The following TRIM55 variants were observed in gnomAD, a reference collection of about 807,000 sequenced individuals.
The protein encoded by TRIM55 is tripartite motif-containing protein 55.
Under a neutral mutation model 60.9 loss-of-function variants are expected in TRIM55, and 50 were observed. The ratio of observed to expected loss-of-function variants is 0.82; its 90% CI spans 0.65 to 1.04. The LOEUF is 1.04. Among genes scored for constraint, TRIM55 ranks in the 50% least tolerant of loss-of-function variants. The probability of loss-of-function intolerance (pLI) is 0.00; values close to 1 mark genes in which losing one functional copy is unlikely to be tolerated. For synonymous variants in TRIM55, 237 were observed against 238.1 expected, an observed-to-expected ratio of 1.00 and a Z score of 0.04; for missense variants, 681 against 666.9, an observed-to-expected ratio of 1.02 and a Z score of -0.23.
At chr8:66,118,101 G>A in the TRIM55 span, among the ~76,000 whole-genome samples, 3 of 145,454 alleles carry the variant, frequency 2.1e-5, no homozygotes, top group South Asian at 2.2e-4. Context: ...CCCGGGAGGC[G>A]GAGCTTGCAG....
At chr8:66,123,076 T>G (rs1040023587), upstream of TRIM55, among the ~76,000 whole-genome samples, 2 of 152,216 alleles carry the variant, frequency 1.3e-5, no homozygotes, top group Non-Finnish European at 2.9e-5. Context: ...CCCGGAAGCT[T>G]CTTCTGCACA....
upstream of TRIM55, chr8:66,127,018 C>G (rs145962070): frequency 8.0e-6 from 3 of 374,636 alleles, no homozygotes; most frequent in South Asian, 5.5e-5. Context: ...GACTCCTGCT[C>G]TCCGTCACCT....
At chr8:66,159,998 A>AT (rs1205896123) in intron 9 of TRIM55, among the ~76,000 whole-genome samples, 1 of 151,728 alleles carries the variant, frequency 6.6e-6, no homozygotes, top group Non-Finnish European at 1.5e-5. Flanking sequence ...ATTTCTTTTA[A>AT]TTTTTTATTT....
chr8:66,124,570 T>A (rs577279631), upstream of TRIM55, among the ~76,000 whole-genome samples: 4 of 152,172 alleles, frequency 2.6e-5, no homozygotes, highest in East Asian at 7.7e-4. Flanking sequence ...CCCCCACCCA[T>A]GAAGCCCTTC....
In TRIM55 at chr8:66,137,200, G is replaced by T; in HGVS notation, c.603+10G>T. 1 of 1,610,936 alleles carries T rather than the reference G, an allele frequency of 6.2e-7. No homozygotes were observed. The highest frequency in any genetic ancestry group is 1.1e-5 in the South Asian group (1 of 90,968). ...CTGCAAAACTATCGAGGTGAGTCAGGTGACTCCCACAGCGTCTCAACCAAG... is the reference window on the plus strand; with the variant it reads ...CTGCAAAACTATCGAGGTGAGTCAGTTGACTCCCACAGCGTCTCAACCAAG... On this transcript the variant is annotated intron_variant, in intron 4 of 9. Transcript: ENST00000315962.
At chr8:66,148,264 G>A (rs907038711) in intron 4 of TRIM55, among the ~76,000 whole-genome samples, 1 of 152,192 alleles carries the variant, frequency 6.6e-6, no homozygotes, top group African/African-American at 2.4e-5. Context: ...CAGACTAAAG[G>A]GATCTGGATG....
intron 1 of TRIM55, 140 bp downstream of exon 1, chr8:66,127,576 C>CAA: frequency 3.1e-6 from 3 of 967,992 alleles, no homozygotes; most frequent in Non-Finnish European, 4.6e-6. Context: ...CCTGTAGTCC[C>CAA]AGCACTTTGG....
At chr8:66,114,212 G>T in the TRIM55 span, among the ~76,000 whole-genome samples, 1 of 151,972 alleles carries the variant, frequency 6.6e-6, no homozygotes, top group Non-Finnish European at 1.5e-5. Context: ...AAATGGTAGA[G>T]CGCTCGCTTA....
At chr8:66,114,185 C>G in the TRIM55 span, among the ~76,000 whole-genome samples, 5 of 150,944 alleles carry the variant, frequency 3.3e-5, no homozygotes, top group East Asian at 2.0e-4. Context: ...CCGTGCCCAG[C>G]CGTGGGGGAT....
intron 2 of TRIM55, among the ~76,000 whole-genome samples, chr8:66,133,321 T>C (rs1437996207): frequency 4.6e-5 from 7 of 152,058 alleles, no homozygotes; most frequent in Admixed American, 2.6e-4. Flanking sequence ...TTTCATTGTC[T>C]CACTCATTTG....
chr8:66,154,274 A>G lies in TRIM55; in HGVS notation c.1464A>G (p.Ala488=), dbSNP rs1164019594. The part of the protein sequence containing the change: ...NVRKAEVAAA[A]ASERAAVSGK... ...GGAAGGCAGAAGTGGCAGCAGCCGCAGCGAGTGAGAGGGCAGCTGTGAGTG... is the reference window on the plus strand; with the variant it reads ...GGAAGGCAGAAGTGGCAGCAGCCGCGGCGAGTGAGAGGGCAGCTGTGAGTG... Residue 488 remains alanine (A), a synonymous_variant, in exon 9 of 10, where the codon GCA becomes GCG. Transcript: ENST00000315962. The G allele has an allele frequency of 1.9e-6, 3 of 1,614,156 alleles. No homozygotes were observed. Among genetic ancestry groups the G allele is most frequent in the Non-Finnish European group, 2.5e-6 (3 of 1,180,034 alleles).
intron 9 of TRIM55, among the ~76,000 whole-genome samples, chr8:66,164,863 A>G (rs1217535212): frequency 6.6e-6 from 1 of 152,160 alleles, no homozygotes; most frequent in East Asian, 1.9e-4. Context: ...AAAATAAAAA[A>G]CATTACATTA....
intron 2 of TRIM55, among the ~76,000 whole-genome samples, chr8:66,132,920 G>C (rs1319888780): frequency 1.3e-5 from 2 of 152,282 alleles, no homozygotes; most frequent in Middle Eastern, 3.4e-3. Context: ...CCTTATGGCT[G>C]TTTTCACATT....
rs367544917 is a variant in TRIM55 at position 66,154,353 on chromosome 8, G to C, written c.1524+19G>C. 1.2e-6 allele frequency: 2 copies of C among 1,609,820 alleles called. No homozygotes were observed. Among genetic ancestry groups the C allele is most frequent in the East Asian group, 2.2e-5 (1 of 44,796 alleles). ...TTCTCAGGTTAGTGATGATGCACTT[G>C]TGTCTATGCTTTCCCGCGCCCCCTA... On this transcript the variant is annotated intron_variant, in intron 9 of 9. Transcript: ENST00000315962.
At chr8:66,114,395 T>C in the TRIM55 span, among the ~76,000 whole-genome samples, 1 of 152,110 alleles carries the variant, frequency 6.6e-6, no homozygotes. Flanking sequence ...CAATGAGTGG[T>C]GGGCGCTAGC....
chr8:66,170,304 T>C (rs1811551809), intron 9 of TRIM55, among the ~76,000 whole-genome samples: 1 of 152,198 alleles, frequency 6.6e-6, no homozygotes, highest in East Asian at 1.9e-4. Context: ...TTTGACCATC[T>C]AGATACATCA....
chr8:66,113,406 A>G, the TRIM55 span: 4 of 415,902 alleles, frequency 9.6e-6, 1 homozygote, highest in South Asian at 3.4e-5. Flanking sequence ...GACTGTAGCT[A>G]CTTCCTCAGC....
intron 4 of TRIM55, among the ~76,000 whole-genome samples, chr8:66,138,497 C>T (rs1305545394): frequency 6.6e-6 from 1 of 152,218 alleles, no homozygotes; most frequent in Non-Finnish European, 1.5e-5. Flanking sequence ...TCAAGCGATT[C>T]TCCTGCCTCA....
chr8:66,152,098 G>A (rs1034313367), intron 7 of TRIM55, among the ~76,000 whole-genome samples: 8 of 152,070 alleles, frequency 5.3e-5, no homozygotes, highest in East Asian at 1.9e-4. Flanking sequence ...AAATGTGGAC[G>A]GGCTCTGGAA....
Sources: gnomAD v4.1 joint callset for allele counts (sites outside exome capture counted in the v4.1 genomes callset) on GRCh38, gnomAD v4.1.1 for gene constraint, MANE v1.5 for transcripts, NCBI Gene and HGNC (gene_info 2026-07-23, HGNC 2026-07-21) for gene names.